AGBL3: variants seen among roughly 807,000 people sequenced by gnomAD.
AGBL3 encodes AGBL carboxypeptidase 3, also known as cytosolic carboxypeptidase 3.
AGBL3 carries 68 observed loss-of-function variants against 94.5 expected under a neutral mutation model. That is an observed-to-expected ratio of 0.72 (90% CI 0.59 to 0.88). The LOEUF is 0.88. Ranked by LOEUF, AGBL3 falls within the 40% of genes least tolerant of loss-of-function variation. The pLI is 0.00. For synonymous variants in AGBL3, 354 were observed against 370.7 expected (o/e 0.95, Z 0.52); for missense variants, 934 against 1,103.8 (o/e 0.85, Z 2.18).
At chr7:135,124,902 T>C (rs1827647892) in intron 16 of AGBL3, among the ~76,000 whole-genome samples, 1 of 152,178 alleles carries the variant, frequency 6.6e-6, no homozygotes, top group Admixed American at 6.5e-5. Flanking sequence ...TAAAGCATTG[T>C]GTTAAGGGGG....
chr7:135,063,202 A>G (rs151181152), intron 12 of AGBL3, among the ~76,000 whole-genome samples: 1,656 of 152,090 alleles, frequency 0.011, 25 homozygotes, highest in African/African-American at 0.036. Context: ...TGTCGGTTAT[A>G]ATGTCTCATC....
chr7:134,992,872 TA>T (rs1810471210), intron 3 of AGBL3, among the ~76,000 whole-genome samples: 1 of 151,912 alleles, frequency 6.6e-6, no homozygotes, highest in African/African-American at 2.4e-5. Context: ...GAAAACCAAA[TA>T]TGTGGAAGGG....
chr7:135,021,444 A>G (rs1271848819), intron 5 of AGBL3, among the ~76,000 whole-genome samples: 4 of 151,284 alleles, frequency 2.6e-5, no homozygotes, highest in Non-Finnish European at 5.9e-5. Context: ...GGCGCCCACC[A>G]CCACGCCTGG....
chr7:135,008,222 T>C (rs1286170028), intron 4 of AGBL3, among the ~76,000 whole-genome samples: 1 of 152,052 alleles, frequency 6.6e-6, no homozygotes, highest in African/African-American at 2.4e-5. Flanking sequence ...AGCTCACAAT[T>C]TCTGATTTCA....
chr7:135,074,637 A>G (rs1239654104), intron 12 of AGBL3, among the ~76,000 whole-genome samples: 1 of 152,092 alleles, frequency 6.6e-6, no homozygotes, highest in Non-Finnish European at 1.5e-5. Flanking sequence ...AAAGGATTAT[A>G]CTCAAATATT....
At chr7:135,026,244 A>ATTATTTTATTTTTTTTATTTATTTTATT (rs1815082604) in intron 5 of AGBL3, among the ~76,000 whole-genome samples, 4 of 81,476 alleles carry the variant, frequency 4.9e-5, no homozygotes, top group South Asian at 5.6e-4. Flanking sequence ...AATGAATACC[A>ATTATTTTATTTTTTTTATTTATTTTATT]TTATTTTATT....
At chr7:135,120,416 A>T (rs573022357) in intron 16 of AGBL3, among the ~76,000 whole-genome samples, 40 of 152,334 alleles carry the variant, frequency 2.6e-4, no homozygotes, top group African/African-American at 9.4e-4. Flanking sequence ...TAAGTTATGC[A>T]TATGTAGTAT....
chr7:134,989,330 GT>G lies in AGBL3; in HGVS notation c.124+25del. On this transcript the variant is annotated intron_variant, in intron 3 of 16. Transcript: ENST00000436302. ...TAACAGGTTTGAACCTATTCATATAGTTTTTGTTTAGCATAAAACTTTGAAT... is the reference window on the plus strand; with the variant it reads ...TAACAGGTTTGAACCTATTCATATAGTTTTGTTTAGCATAAAACTTTGAAT... 2 of 1,510,258 alleles carry G rather than the reference GT, an allele frequency of 1.3e-6. No individual in the cohort carries two copies. Among genetic ancestry groups the G allele is most frequent in the Non-Finnish European group, 1.8e-6 (2 of 1,129,594 alleles). 93.6% of individuals were successfully genotyped at this position (1,510,258 alleles called of 1,614,324 possible).
intron 15 of AGBL3, among the ~76,000 whole-genome samples, chr7:135,086,204 A>G (rs1005313805): frequency 6.6e-6 from 1 of 152,014 alleles, no homozygotes. Context: ...TACTAAATTT[A>G]TCAGTTCTAG....
intron 4 of AGBL3, chr7:135,012,012 C>G (rs1813218656): frequency 6.6e-6 from 1 of 151,888 alleles, no homozygotes; most frequent in African/African-American, 2.4e-5. Flanking sequence ...TGAAACAGCC[C>G]AAATGTCCAT....
At chr7:135,100,450 C>T (rs1304636147) in intron 15 of AGBL3, among the ~76,000 whole-genome samples, 1 of 152,156 alleles carries the variant, frequency 6.6e-6, no homozygotes, top group Middle Eastern at 3.2e-3. Context: ...ATATAAACAA[C>T]TGTCTGGATG....
intron 4 of AGBL3, among the ~76,000 whole-genome samples, chr7:135,009,363 T>C (rs191423233): frequency 3.3e-5 from 5 of 152,298 alleles, no homozygotes; most frequent in South Asian, 4.2e-4. Flanking sequence ...TGCTGAGTGA[T>C]AGAAGCCAGA....
At chr7:135,006,299 G>C (rs778728637) in intron 4 of AGBL3, among the ~76,000 whole-genome samples, 1 of 151,792 alleles carries the variant, frequency 6.6e-6, no homozygotes, top group Non-Finnish European at 1.5e-5. Context: ...TATATTGCAT[G>C]GCTACTCCTG....
chr7:135,129,251 C>G (rs149990200), intron 16 of AGBL3: 1 of 1,521,966 alleles, frequency 6.6e-7, no homozygotes, highest in Non-Finnish European at 9.1e-7. Flanking sequence ...TCATGGGTAT[C>G]TGCTCCAGCT....
intron 11 of AGBL3, among the ~76,000 whole-genome samples, chr7:135,053,500 G>T (rs950954843): frequency 1.3e-5 from 2 of 152,088 alleles, no homozygotes. Flanking sequence ...TCAGCTACTC[G>T]GGAGGCTGAG....
intron 13 of AGBL3, among the ~76,000 whole-genome samples, chr7:135,077,521 A>C (rs1820566124): frequency 6.6e-6 from 1 of 152,072 alleles, no homozygotes; most frequent in African/African-American, 2.4e-5. Context: ...GATAGCTCCT[A>C]ATCTTTTCCA....
intron 13 of AGBL3, among the ~76,000 whole-genome samples, chr7:135,078,241 A>T (rs1820634664): frequency 6.6e-6 from 1 of 152,098 alleles, no homozygotes; most frequent in African/African-American, 2.4e-5. Context: ...CTGCCTTAGC[A>T]CTGTCATCCC....
At chr7:135,004,310 A>T (rs1812106029) in intron 4 of AGBL3, among the ~76,000 whole-genome samples, 1 of 151,670 alleles carries the variant, frequency 6.6e-6, no homozygotes. Context: ...GATAATTTTT[A>T]GTGGGTTGCT....
rs181462328 is a variant in AGBL3, at chr7:135,049,253, T to G, written c.1841+3342T>G. 2.7e-3 allele frequency among the ~76,000 whole-genome samples: 415 copies of G among 152,144 alleles called. 1 individual carries two copies. Among genetic ancestry groups the G allele is most frequent in the Middle Eastern group, 0.01 (3 of 294 alleles). On this transcript the variant is annotated intron_variant, in intron 11 of 16. Coordinates refer to ENST00000436302, the MANE Select transcript of AGBL3 (RefSeq NM_178563.4). ...TTGATTTGCATATATTGAACCATAC[T>G]TGCATCCCAGGGATAAATCCCACTT...
Sources: gnomAD v4.1 joint callset for allele counts (sites outside exome capture counted in the v4.1 genomes callset) on GRCh38, gnomAD v4.1.1 for gene constraint, MANE v1.5 for transcripts, NCBI Gene and HGNC (gene_info 2026-07-23, HGNC 2026-07-21) for gene names.